The following CYP3A43 variants were observed in gnomAD, a reference collection of about 807,000 sequenced individuals.
CYP3A43 encodes the protein cytochrome P450 family 3 subfamily A member 43.
Under a neutral mutation model 58.0 loss-of-function variants are expected in CYP3A43, and 45 were observed. The ratio of observed to expected loss-of-function variants is 0.78; its 90% CI spans 0.61 to 0.99. The LOEUF (loss-of-function observed/expected upper bound fraction) is 0.99. Ranked by LOEUF, CYP3A43 falls within the 50% of genes least tolerant of loss-of-function variation. The pLI is 0.00. For missense variants in CYP3A43, 593 were observed against 591.9 expected (o/e 1.00, Z -0.02); for synonymous variants, 191 against 201.4 (o/e 0.95, Z 0.44).
At chr7:99,851,648 G>A (rs563521203) in intron 7 of CYP3A43, among the ~76,000 whole-genome samples, 8 of 152,286 alleles carry the variant, frequency 5.3e-5, no homozygotes, top group Admixed American at 3.9e-4. Context: ...ATTGGTAAGA[G>A]TTCTTTACAT....
At chr7:99,837,245 G>A (rs1486806393) in intron 2 of CYP3A43, among the ~76,000 whole-genome samples, 1 of 150,552 alleles carries the variant, frequency 6.6e-6, no homozygotes, top group Non-Finnish European at 1.5e-5. Flanking sequence ...CGTGAACCCG[G>A]GAGGCGGAGC....
chr7:99,844,014 T>G, intron 3 of CYP3A43, 129 bp from the exon 4 acceptor site: 1 of 668,436 alleles, frequency 1.5e-6, no homozygotes, highest in Non-Finnish European at 2.5e-6. Context: ...GGAGCTGGCT[T>G]TGCTGTGTAT....
In CYP3A43 at chr7:99,866,043, C is replaced by T; in HGVS notation, c.*42C>T. On this transcript the variant is annotated 3_prime_UTR_variant, in exon 13 of 13. Coordinates refer to ENST00000354829, the MANE Select transcript of CYP3A43 (RefSeq NM_057095.3). ...CCACTTTGTTCAAGAAAGCTGTATCCCAGAACACTAGACACTTCAAATTGT... is the reference window on the plus strand; with the variant it reads ...CCACTTTGTTCAAGAAAGCTGTATCTCAGAACACTAGACACTTCAAATTGT... 7.8e-7 allele frequency: 1 copy of T among 1,284,566 alleles called. No homozygotes were observed. 79.6% of individuals were successfully genotyped at this position (1,284,566 alleles called of 1,614,324 possible).
In CYP3A43 at chr7:99,864,368, G is replaced by T. The variant is rs1487703837; in HGVS notation, c.1416+669G>T. 6.7e-5 allele frequency among the ~76,000 whole-genome samples: 10 copies of T among 148,710 alleles called. 2 individuals are homozygous for T. Among genetic ancestry groups the T allele is most frequent in the African/African-American group, 2.6e-4 (10 of 38,146 alleles). On this transcript the variant is annotated intron_variant, in intron 12 of 12. Coordinates refer to ENST00000354829, the MANE Select transcript of CYP3A43 (RefSeq NM_057095.3). Reference sequence around the variant, plus strand: ...AGCACTGCTTCGCTGCTTCATACAAGCTGTGCATCTTTTCAACCCAATAAT... The same window carrying T: ...AGCACTGCTTCGCTGCTTCATACAATCTGTGCATCTTTTCAACCCAATAAT...
chr7:99,831,535 C>T (rs1430543633), intron 1 of CYP3A43, among the ~76,000 whole-genome samples: 5 of 152,230 alleles, frequency 3.3e-5, no homozygotes, highest in African/African-American at 9.6e-5. Context: ...ATGGTTACAT[C>T]GGCGGGATGC....
chr7:99,831,177 G>A (rs1365016775), intron 1 of CYP3A43, among the ~76,000 whole-genome samples: 1 of 152,210 alleles, frequency 6.6e-6, no homozygotes, highest in African/African-American at 2.4e-5. Context: ...TGGCCAGGGT[G>A]CCACTGTGGG....
intron 3 of CYP3A43, chr7:99,839,533 A>G (rs1817246151): frequency 2.2e-6 from 1 of 445,448 alleles, no homozygotes; most frequent in Admixed American, 2.8e-5. Flanking sequence ...ATAGCTTCAT[A>G]CATAAGCCAC....
intron 3 of CYP3A43, among the ~76,000 whole-genome samples, chr7:99,842,602 A>T (rs1584210563): frequency 6.6e-6 from 1 of 152,134 alleles, no homozygotes; most frequent in African/African-American, 2.4e-5. Context: ...GTGGTCCTTT[A>T]TGAAAAAAAA....
At chr7:99,844,808 C>T (rs554188558) in intron 4 of CYP3A43, among the ~76,000 whole-genome samples, 2 of 152,106 alleles carry the variant, frequency 1.3e-5, no homozygotes, top group Admixed American at 6.6e-5. Flanking sequence ...CGGTGGCTCA[C>T]GCCTATAATC....
In CYP3A43 at chr7:99,849,447, TC is replaced by T. The variant is rs1584222407; in HGVS notation, c.522-98del. 7 of 1,396,190 alleles carry T rather than the reference TC, an allele frequency of 5.0e-6. No individual in the cohort carries two copies. In the East Asian group the frequency reaches 1.7e-4, roughly 34 times the overall value. The allele number at this position is 1,396,190 out of a possible 1,614,324, so 86.5% of individuals were successfully genotyped here. ...GATTGTTCTGATTGTGTGTGGGTTT[TC>T]ACCTGTCTTGCTCTGGCATAGCACT... On this transcript the variant is annotated intron_variant, in intron 6 of 12. Transcript: ENST00000354829.
At chr7:99,863,806 C>T in intron 12 of CYP3A43, 107 bp downstream of exon 12, 2 of 916,240 alleles carry the variant, frequency 2.2e-6, no homozygotes, top group Non-Finnish European at 3.0e-6. Flanking sequence ...CTCTGTAGGA[C>T]AAAGAATCTA....
At chr7:99,864,050 G>A (rs1005275687) in intron 12 of CYP3A43, among the ~76,000 whole-genome samples, 1 of 148,480 alleles carries the variant, frequency 6.7e-6, no homozygotes, top group East Asian at 1.9e-4. Context: ...CAGGACTTTC[G>A]AATGGTGCTC....
intron 3 of CYP3A43, 32 bp downstream of exon 3, chr7:99,839,204 G>A (rs748870061): frequency 6.2e-7 from 1 of 1,612,466 alleles, no homozygotes; most frequent in East Asian, 2.2e-5. Context: ...ATTGGATAGA[G>A]CTGTTGCTAT....
chr7:99,837,644 T>C (rs74547195), intron 2 of CYP3A43, among the ~76,000 whole-genome samples: 1 of 151,404 alleles, frequency 6.6e-6, no homozygotes, highest in Admixed American at 6.6e-5. Context: ...ATGAGTTCTG[T>C]TTTTTTTTAA....
rs1818159920 is a variant in CYP3A43 at position 99,859,914 on chromosome 7, T to A, written c.950T>A (p.Ile317Asn). Residue 317 changes from isoleucine to asparagine, a missense_variant, in exon 10 of 13, where the codon ATT (isoleucine) becomes AAT (asparagine). Physicochemically the swap from Ile to Asn is moderately radical, Grantham distance 149. Coordinates refer to ENST00000354829, the MANE Select transcript of CYP3A43 (RefSeq NM_057095.3). ...YDTTSTTLPF[I>N]MYELATHPDV... ...ACAACTAGCACCACTCTCCCCTTCA[T>A]TATGTATGAACTGGCCACTCACCCT... 1.2e-6 allele frequency: 2 copies of A among 1,614,012 alleles called. No homozygotes were observed. Among genetic ancestry groups the A allele is most frequent in the Non-Finnish European group, 1.7e-6 (2 of 1,179,962 alleles).
rs528843429 is a variant in CYP3A43 at position 99,850,331 on chromosome 7, G to A, written c.670+637G>A. On this transcript the variant is annotated intron_variant, in intron 7 of 12. Coordinates refer to ENST00000354829, the MANE Select transcript of CYP3A43 (RefSeq NM_057095.3). ...GGCTGGAGTGCAGTGGCTCAATCTC[G>A]GCTCACTGCAACCTCCGCCTTCCAG... Among the ~76,000 whole-genome samples the A allele has an allele frequency of 1.4e-4, 21 of 151,544 alleles. No homozygotes were observed. In the South Asian group the frequency reaches 4.2e-3, roughly 30 times the overall value.
chr7:99,861,265 C>T (rs541313441), intron 10 of CYP3A43, among the ~76,000 whole-genome samples: 1 of 152,262 alleles, frequency 6.6e-6, no homozygotes, highest in East Asian at 1.9e-4. Context: ...CATAGCCTCT[C>T]TTTGGAAAGG....
intron 1 of CYP3A43, among the ~76,000 whole-genome samples, chr7:99,830,851 CTCAAATA>C (rs1484136972): frequency 6.6e-6 from 1 of 152,200 alleles, no homozygotes; most frequent in African/African-American, 2.4e-5. Context: ...ATTTCTCAGA[CTCAAATA>C]TCAAACCTCC....
chr7:99,832,297 C>A (rs922211002), intron 1 of CYP3A43, among the ~76,000 whole-genome samples: 3 of 151,662 alleles, frequency 2.0e-5, no homozygotes, highest in South Asian at 2.1e-4. Flanking sequence ...GTGTCCCCAG[C>A]CAAATCTCAT....
Sources: allele counts gnomAD v4.1 joint callset (sites outside exome capture counted in the v4.1 genomes callset), GRCh38; gene constraint gnomAD v4.1.1; transcripts MANE v1.5; gene names NCBI Gene and HGNC (gene_info 2026-07-23, HGNC 2026-07-21).